Variants in SLC2A13 observed in about 807,000 individuals in gnomAD.
SLC2A13 encodes the protein proton myo-inositol cotransporter.
SLC2A13 carries 32 observed loss-of-function variants against 64.4 expected under a neutral mutation model. The observed-to-expected ratio is 0.50, with a 90% confidence interval of 0.37 to 0.67. SLC2A13 has a LOEUF of 0.67. Ranked by LOEUF, SLC2A13 falls within the 30% of genes least tolerant of loss-of-function variation. The probability of loss-of-function intolerance (pLI) is 0.00; values close to 1 mark genes in which losing one functional copy is unlikely to be tolerated. For synonymous variants in SLC2A13, 338 were observed against 327.1 expected (o/e 1.03, Z -0.36); for missense variants, 743 against 829.2 (o/e 0.90, Z 1.28).
Position 39,756,806 on chromosome 12 carries a change from G to C in SLC2A13, c.*3220C>G, listed in dbSNP as rs999024448. On this transcript the variant is annotated 3_prime_UTR_variant, in exon 10 of 10. Transcript: ENST00000280871. ...TTGCTTTTACTGATTTCCCCTTTTA[G>C]AGTGAATAACTTAATATTTAGACTC... 6.6e-6 allele frequency: 1 copy of C among 151,474 alleles called. No individual in the cohort carries two copies. Among genetic ancestry groups the C allele is most frequent in the Non-Finnish European group, 1.5e-5 (1 of 67,640 alleles). 9.4% of individuals were successfully genotyped at this position (151,474 alleles called of 1,614,324 possible). A position where few individuals can be genotyped will look rare whatever the true frequency, so the allele number is the denominator to read the frequency against.
rs1235627909 is a variant in SLC2A13 at position 39,758,478 on chromosome 12, G to A, written c.*1548C>T. ...GAGCCATTTAAAAATGCATCAAACT[G>A]ATGTATTCCTAACTGGCCACAGAAG... On this transcript the variant is annotated 3_prime_UTR_variant, in exon 10 of 10. Coordinates refer to ENST00000280871, the MANE Select transcript of SLC2A13 (RefSeq NM_052885.4). The A allele has an allele frequency of 2.0e-5, 3 of 151,896 alleles. No homozygotes were observed. Among genetic ancestry groups the A allele is most frequent in the African/African-American group, 7.2e-5 (3 of 41,408 alleles). 9.4% of individuals were successfully genotyped at this position (151,896 alleles called of 1,614,324 possible). A position where few individuals can be genotyped will look rare whatever the true frequency, so the allele number is the denominator to read the frequency against.
chr12:39,812,408 T>G (rs1425860458), intron 7 of SLC2A13, among the ~76,000 whole-genome samples: 5 of 149,730 alleles, frequency 3.3e-5, no homozygotes, highest in Non-Finnish European at 7.4e-5. Flanking sequence ...CTTTCTTCCT[T>G]CCTTCCTTCC....
At chr12:40,053,635 C>T (rs936546686) in intron 1 of SLC2A13, among the ~76,000 whole-genome samples, 1 of 152,148 alleles carries the variant, frequency 6.6e-6, no homozygotes, top group Admixed American at 6.5e-5. Context: ...TGCCACCAGA[C>T]ATCATGTTAA....
chr12:39,813,615 G>C (rs1208476936), intron 7 of SLC2A13, among the ~76,000 whole-genome samples: 1 of 152,024 alleles, frequency 6.6e-6, no homozygotes, highest in African/African-American at 2.4e-5. Flanking sequence ...CACTTTCCTG[G>C]TTGTCTTTAA....
chr12:40,035,963 AG>A (rs1271847554), intron 2 of SLC2A13, among the ~76,000 whole-genome samples: 2 of 152,238 alleles, frequency 1.3e-5, no homozygotes, highest in Non-Finnish European at 2.9e-5. Context: ...CAAAATTCAC[AG>A]TACTGTTGCT....
chr12:39,904,075 G>A (rs758386079), intron 4 of SLC2A13, among the ~76,000 whole-genome samples: 3 of 152,118 alleles, frequency 2.0e-5, no homozygotes, highest in African/African-American at 4.8e-5. Context: ...AGAACACAGA[G>A]CAAAGGTCAC....
At chr12:39,908,863 C>T (rs955125821) in intron 4 of SLC2A13, among the ~76,000 whole-genome samples, 2 of 151,930 alleles carry the variant, frequency 1.3e-5, no homozygotes, top group Non-Finnish European at 2.9e-5. Context: ...TGGAAGGCAA[C>T]TCTATGGGGC....
chr12:39,864,923 T>C (rs1184923623), intron 5 of SLC2A13, 41 bp from the exon 6 acceptor site: 1 of 1,559,430 alleles, frequency 6.4e-7, no homozygotes, highest in Non-Finnish European at 8.7e-7. Context: ...GAGTTGACAA[T>C]ATTGTTTTAA....
At chr12:39,920,734 A>T (rs949036395) in intron 4 of SLC2A13, among the ~76,000 whole-genome samples, 3 of 152,100 alleles carry the variant, frequency 2.0e-5, no homozygotes, top group Non-Finnish European at 4.4e-5. Flanking sequence ...CAGAGAAATC[A>T]TATCAACCAC....
At chr12:39,780,445 G>A (rs73102556) in intron 7 of SLC2A13, among the ~76,000 whole-genome samples, 2,251 of 152,240 alleles carry the variant, frequency 0.015, 56 homozygotes, top group African/African-American at 0.049. Flanking sequence ...AGTGAAGTAA[G>A]CCACTGAAAT....
intron 7 of SLC2A13, among the ~76,000 whole-genome samples, chr12:39,774,932 T>TA (rs1478384650): frequency 3.9e-5 from 6 of 152,168 alleles, no homozygotes; most frequent in Non-Finnish European, 8.8e-5. Flanking sequence ...ACTATAGCAA[T>TA]AGTGGTACAG....
intron 1 of SLC2A13, among the ~76,000 whole-genome samples, chr12:40,065,475 C>A (rs1462635390): frequency 1.3e-5 from 2 of 151,766 alleles, no homozygotes; most frequent in Non-Finnish European, 2.9e-5. Flanking sequence ...GTCCTAGCTA[C>A]TCAGGAGGCT....
intron 6 of SLC2A13, among the ~76,000 whole-genome samples, chr12:39,848,678 T>G (rs1943386311): frequency 6.6e-6 from 1 of 152,068 alleles, no homozygotes; most frequent in Non-Finnish European, 1.5e-5. Context: ...TAGGTATATA[T>G]GCAGAGGAAT....
chr12:39,873,332 G>A (rs897814794), intron 4 of SLC2A13, among the ~76,000 whole-genome samples: 5 of 152,172 alleles, frequency 3.3e-5, no homozygotes, highest in African/African-American at 1.2e-4. Context: ...CAGTCAGAGT[G>A]TAAAGTGATG....
intron 3 of SLC2A13, among the ~76,000 whole-genome samples, chr12:40,020,273 A>T (rs551739): frequency 0.73 from 110,243 of 152,014 alleles, 40,048 homozygotes; most frequent in East Asian, 0.84. Flanking sequence ...TGAGTTGTAA[A>T]CCCCAGGTGT....
intron 3 of SLC2A13, among the ~76,000 whole-genome samples, chr12:40,002,764 T>C (rs950538786): frequency 3.3e-5 from 5 of 152,024 alleles, no homozygotes; most frequent in African/African-American, 1.2e-4. Context: ...ATATGGATGA[T>C]GGCATAGGCT....
intron 7 of SLC2A13, among the ~76,000 whole-genome samples, chr12:39,802,015 T>C (rs1941808013): frequency 6.6e-6 from 1 of 152,144 alleles, no homozygotes. Flanking sequence ...GCAAAGAATT[T>C]CACATAGTGA....
intron 4 of SLC2A13, among the ~76,000 whole-genome samples, chr12:39,895,372 C>A (rs1049149814): frequency 2.0e-5 from 3 of 150,724 alleles, no homozygotes; most frequent in Admixed American, 6.6e-5. Flanking sequence ...CACCTGTAGT[C>A]CCAGCTACTT....
chr12:39,883,213 AT>A (rs1278818005), intron 4 of SLC2A13, among the ~76,000 whole-genome samples: 1 of 152,078 alleles, frequency 6.6e-6, no homozygotes, highest in South Asian at 2.1e-4. Flanking sequence ...GATTAAAGAA[AT>A]TTTTTTTAAA....
Sources: allele counts gnomAD v4.1 joint callset (sites outside exome capture counted in the v4.1 genomes callset), GRCh38; gene constraint gnomAD v4.1.1; transcripts MANE v1.5; gene names NCBI Gene and HGNC (gene_info 2026-07-23, HGNC 2026-07-21).